GLT8D2: variants seen among roughly 807,000 people sequenced by gnomAD.
GLT8D2 encodes the protein glycosyltransferase 8 domain containing 2.
GLT8D2 carries 45 observed loss-of-function variants against 44.5 expected under a neutral mutation model. That is an observed-to-expected ratio of 1.01 (90% CI 0.80 to 1.30). The LOEUF is 1.30. Among genes scored for constraint, GLT8D2 ranks in the 50% most tolerant of loss-of-function variants. The probability of loss-of-function intolerance (pLI) is 0.00; values close to 1 mark genes in which losing one functional copy is unlikely to be tolerated. For synonymous variants in GLT8D2, 156 were observed against 157.2 expected, an observed-to-expected ratio of 0.99 and a Z score of 0.06; for missense variants, 400 against 430.4, an observed-to-expected ratio of 0.93 and a Z score of 0.62.
chr12:104,012,183 A>ATATATATAT (rs1555278385), intron 4 of GLT8D2, among the ~76,000 whole-genome samples: 2 of 84,084 alleles, frequency 2.4e-5, no homozygotes, highest in Non-Finnish European at 5.1e-5. Context: ...AAAAAAAAAA[A>ATATATATAT]AAAAAAATAT....
intron 4 of GLT8D2, among the ~76,000 whole-genome samples, chr12:104,011,847 C>G (rs1875863921): frequency 6.6e-6 from 1 of 151,924 alleles, no homozygotes; most frequent in South Asian, 2.1e-4. Context: ...GGTGTGTGCC[C>G]CTTAAACCCT....
chr12:104,024,978 G>C (rs1878372029), intron 1 of GLT8D2, among the ~76,000 whole-genome samples: 1 of 149,150 alleles, frequency 6.7e-6, no homozygotes, highest in Non-Finnish European at 1.5e-5. Flanking sequence ...GCTGAGGCAG[G>C]AGAATTGCCT....
At chr12:104,032,468 A>AAAAAAAAAAAAAAAAAAAAAAAG (rs1879397971) in intron 1 of GLT8D2, among the ~76,000 whole-genome samples, 1 of 75,840 alleles carries the variant, frequency 1.3e-5, no homozygotes, top group African/African-American at 6.0e-5. Context: ...TGCAATAGCA[A>AAAAAAAAAAAAAAAAAAAAAAAG]AAAAAAAAAA....
intron 1 of GLT8D2, among the ~76,000 whole-genome samples, chr12:104,048,683 A>C (rs568915179): frequency 9.2e-5 from 14 of 152,322 alleles, no homozygotes; most frequent in African/African-American, 3.1e-4. Context: ...TATGAGGAAC[A>C]CTTGGACCAC....
Position 103,993,620 on chromosome 12 carries a change from T to C in GLT8D2, c.768-116A>G, listed in dbSNP as rs78005522. Reference sequence around the variant, plus strand: ...TTATCTCACTATGTACTAAGACTTATGGCCTTTCATTCTCCCCCAAATTTT... The same window carrying C: ...TTATCTCACTATGTACTAAGACTTACGGCCTTTCATTCTCCCCCAAATTTT... On this transcript the variant is annotated intron_variant, in intron 9 of 10. Coordinates refer to ENST00000360814, the MANE Select transcript of GLT8D2 (RefSeq NM_001384711.1). The C allele has an allele frequency of 1.7e-3, 1,102 of 646,902 alleles. 16 individuals are homozygous for C. The East Asian group carries it at 0.026, about 15-fold the overall frequency. The allele number at this position is 646,902 out of a possible 1,614,324, so 40.1% of individuals were successfully genotyped here.
intron 4 of GLT8D2, among the ~76,000 whole-genome samples, chr12:104,005,710 G>A (rs1361129900): frequency 6.6e-6 from 1 of 152,142 alleles, no homozygotes; most frequent in East Asian, 1.9e-4. Context: ...TTAGAATGGT[G>A]ATCATTAAAA....
At position 103,989,427 on chromosome 12, in the gene GLT8D2, T is replaced by C. The variant is rs746116688; in HGVS notation, c.1031A>G (p.Lys344Arg). Residue 344 changes from lysine to arginine, a missense_variant, in exon 11 of 11, where the codon AAA becomes AGA. Transcript: ENST00000360814. ...GTTATATCAGCTATGGTGATTGAGTTTAAATATCCCTGCAGGGTCAGGAAC... is the reference window on the plus strand; with the variant it reads ...GTTATATCAGCTATGGTGATTGAGTCTAAATATCCCTGCAGGGTCAGGAAC... Reference protein sequence around the residue: ...WFVPDPAGIFKLNHHS With the variant: ...WFVPDPAGIFRLNHHS 5 of 1,611,102 alleles carry C rather than the reference T, an allele frequency of 3.1e-6. No homozygotes were observed. The South Asian group carries it at 4.4e-5, about 14-fold the overall frequency.
intron 4 of GLT8D2, among the ~76,000 whole-genome samples, chr12:104,008,916 T>C (rs752194607): frequency 6.6e-6 from 1 of 152,200 alleles, no homozygotes; most frequent in African/African-American, 2.4e-5. Context: ...AAGTAAAAAA[T>C]TGGGGTTTGG....
At position 104,033,040 on chromosome 12, in the gene GLT8D2, C is replaced by T. The variant is rs549129185; in HGVS notation, c.-163-11549G>A. ...AAATACAGGTGCACATCACCATGCCCGGCTAATTTTTGTATATTTTTAGTA... is the reference window on the plus strand; with the variant it reads ...AAATACAGGTGCACATCACCATGCCTGGCTAATTTTTGTATATTTTTAGTA... On this transcript the variant is annotated intron_variant, in intron 1 of 10. Coordinates refer to ENST00000360814, the MANE Select transcript of GLT8D2 (RefSeq NM_001384711.1). Among the ~76,000 whole-genome samples, 242 of 151,876 alleles carry T rather than the reference C, an allele frequency of 1.6e-3. 3 individuals are homozygous for T. Among genetic ancestry groups the T allele is most frequent in the Non-Finnish European group, 2.2e-4 (15 of 67,946 alleles).
intron 1 of GLT8D2, among the ~76,000 whole-genome samples, chr12:104,060,243 T>C (rs1882521615): frequency 1.3e-5 from 2 of 152,206 alleles, no homozygotes; most frequent in South Asian, 4.1e-4. Context: ...GAGTGCCTCC[T>C]CTTGTCTTTA....
chr12:104,039,367 A>G (rs1880288421), intron 1 of GLT8D2, among the ~76,000 whole-genome samples: 1 of 152,220 alleles, frequency 6.6e-6, no homozygotes, highest in Admixed American at 6.5e-5. Flanking sequence ...CAACCTACAC[A>G]ATGGGAGAAA....
At chr12:104,004,992 C>T (rs1288082398) in intron 4 of GLT8D2, among the ~76,000 whole-genome samples, 5 of 152,132 alleles carry the variant, frequency 3.3e-5, no homozygotes, top group African/African-American at 4.8e-5. Context: ...TACTACAAGG[C>T]TACAGTAATC....
chr12:103,998,804 C>A (rs567473754), intron 6 of GLT8D2, among the ~76,000 whole-genome samples: 2 of 152,302 alleles, frequency 1.3e-5, no homozygotes, highest in East Asian at 3.9e-4. Flanking sequence ...CGCTCAGCCT[C>A]CCAAAGTGCT....
intron 1 of GLT8D2, among the ~76,000 whole-genome samples, chr12:104,025,019 G>A (rs896852080): frequency 1.5e-4 from 21 of 140,678 alleles, no homozygotes; most frequent in Admixed American, 2.2e-4. Context: ...GCAGTGAGCC[G>A]AGATTGTGCC....
intron 9 of GLT8D2, chr12:103,993,919 T>C (rs991048027): frequency 6.1e-6 from 1 of 164,546 alleles, no homozygotes; most frequent in Non-Finnish European, 1.3e-5. Context: ...TTTTATCTTC[T>C]CTATTTTAAA....
chr12:104,021,912 GA>G lies in GLT8D2; in HGVS notation c.-163-422del, dbSNP rs1326484450. On this transcript the variant is annotated intron_variant, in intron 1 of 10. Transcript: ENST00000360814. The stretch of plus-strand genomic sequence containing the variant: ...AGAAGAAGAAGAAGAAGAAGAAGAA[GA>G]AGAAGAAGAAGAAGAAGAAGAAGAA... 0.011 allele frequency among the ~76,000 whole-genome samples: 182 copies of G among 16,358 alleles called. 6 individuals carry two copies. In the East Asian group the frequency reaches 0.3, roughly 27 times the overall value. 10.7% of individuals were successfully genotyped at this position (16,358 alleles called of 152,430 possible). A position where few individuals can be genotyped will look rare whatever the true frequency, so the allele number is the denominator to read the frequency against.
At chr12:103,993,028 G>T (rs1002552003) in intron 10 of GLT8D2, among the ~76,000 whole-genome samples, 24 of 152,182 alleles carry the variant, frequency 1.6e-4, no homozygotes, top group African/African-American at 5.8e-4. Flanking sequence ...GTGCTCACTG[G>T]GTCTATAAAA....
chr12:104,015,724 A>G (rs1160308372), intron 3 of GLT8D2, among the ~76,000 whole-genome samples: 1 of 152,080 alleles, frequency 6.6e-6, no homozygotes. Context: ...TATATTGGCC[A>G]GTTGTAGTGG....
chr12:104,012,771 C>A (rs1459317471), intron 4 of GLT8D2: 1 of 693,790 alleles, frequency 1.4e-6, no homozygotes, highest in African/African-American at 1.8e-5. Flanking sequence ...TTTAAAAAGG[C>A]AAATAAGTTA....
Sources: gnomAD v4.1 joint callset for allele counts (sites outside exome capture counted in the v4.1 genomes callset) on GRCh38, gnomAD v4.1.1 for gene constraint, MANE v1.5 for transcripts, NCBI Gene and HGNC (gene_info 2026-07-23, HGNC 2026-07-21) for gene names.